PITPNC1: variants seen among roughly 807,000 people sequenced by gnomAD.
PITPNC1 encodes the protein cytoplasmic phosphatidylinositol transfer protein 1.
PITPNC1 carries 18 observed loss-of-function variants against 44.7 expected under a neutral mutation model. The ratio of observed to expected loss-of-function variants is 0.40; its 90% confidence interval spans 0.28 to 0.60. The LOEUF (loss-of-function observed/expected upper bound fraction) is 0.60, where lower values mean the gene tolerates loss of function less well. Ranked by LOEUF, PITPNC1 falls within the 20% of genes least tolerant of loss-of-function variation. The pLI, the probability that PITPNC1 is intolerant of heterozygous loss-of-function variation, is 0.39. For missense variants in PITPNC1, 290 were observed against 418.4 expected (o/e 0.69, Z 2.68); for synonymous variants, 141 against 149.6 (o/e 0.94, Z 0.42).
At chr17:67,587,381 C>A (rs907312608) in intron 5 of PITPNC1, among the ~76,000 whole-genome samples, 1 of 152,040 alleles carries the variant, frequency 6.6e-6, no homozygotes, top group African/African-American at 2.4e-5. Context: ...GTCATCCCAG[C>A]TACTCAGGAG....
At chr17:67,579,532 C>T (rs375456897) in intron 5 of PITPNC1, among the ~76,000 whole-genome samples, 6 of 151,572 alleles carry the variant, frequency 4.0e-5, no homozygotes, top group South Asian at 4.2e-4. Flanking sequence ...ATCACAGGCG[C>T]GTTGCTGGCC....
At position 67,560,500 on chromosome 17, in the gene PITPNC1, C is replaced by T. The variant is rs920777797; in HGVS notation, c.294+6883C>T. On this transcript the variant is annotated intron_variant, in intron 4 of 8. Transcript: ENST00000581322. The stretch of plus-strand genomic sequence containing the variant: ...CAACCACACAGCAAAGTCAGCAGTA[C>T]GTTGGGATGGCAGTGGGTTTGTGCA... Among the ~76,000 whole-genome samples, 43 of 152,264 alleles carry T rather than the reference C, an allele frequency of 2.8e-4. 1 individual carries two copies. Among genetic ancestry groups the T allele is most frequent in the African/African-American group, 9.6e-4 (40 of 41,534 alleles).
intron 1 of PITPNC1, among the ~76,000 whole-genome samples, chr17:67,425,188 C>CGCGCGT: frequency 2.1e-5 from 1 of 46,672 alleles, no homozygotes; most frequent in South Asian, 5.5e-4. Context: ...CCATGTTGTG[C>CGCGCGT]GCGCGCACGC....
chr17:67,609,604 A>G lies in PITPNC1; in HGVS notation c.367-22539A>G, dbSNP rs575469421. Among the ~76,000 whole-genome samples the G allele has an allele frequency of 2.6e-5, 4 of 152,048 alleles. No individual in the cohort carries two copies. The South Asian group carries it at 8.3e-4, about 32-fold the overall frequency. ...CGCACCCAGCCAGTCATGTTCTTCT[A>G]AGCACTGGAGAAAAAAGGACAGCTG... On this transcript the variant is annotated intron_variant, in intron 5 of 8. Coordinates refer to ENST00000581322, the MANE Select transcript of PITPNC1 (RefSeq NM_012417.4).
chr17:67,664,287 A>G (rs1402542540), intron 6 of PITPNC1, among the ~76,000 whole-genome samples: 1 of 152,136 alleles, frequency 6.6e-6, no homozygotes, highest in East Asian at 1.9e-4. Context: ...ATGGCATAAT[A>G]ATATTTCACT....
intron 1 of PITPNC1, among the ~76,000 whole-genome samples, chr17:67,382,740 T>C (rs2037981902): frequency 6.6e-6 from 1 of 152,020 alleles, no homozygotes; most frequent in Admixed American, 6.6e-5. Flanking sequence ...GTCTCCTGCC[T>C]CAGCCTCCCG....
intron 1 of PITPNC1, among the ~76,000 whole-genome samples, chr17:67,531,910 C>G (rs1247324560): frequency 6.6e-6 from 1 of 152,196 alleles, no homozygotes. Context: ...CCCCTCCCCT[C>G]TCTCTTTTCC....
rs143710307 is a variant in PITPNC1 at position 67,589,648 on chromosome 17, G to A, written c.366+11391G>A. Among the ~76,000 whole-genome samples, 108 of 150,578 alleles carry A rather than the reference G, an allele frequency of 7.2e-4. 1 individual carries two copies. The highest frequency in any genetic ancestry group is 7.0e-3 in the Admixed American group (106 of 15,128). On this transcript the variant is annotated intron_variant, in intron 5 of 8. Coordinates refer to ENST00000581322, the MANE Select transcript of PITPNC1 (RefSeq NM_012417.4). ...CATCAATGGATGCTAAGACCGTTGA[G>A]CAAAACAAGTATTGGGTACAGGATA...
chr17:67,540,950 C>T (rs1202586133), intron 2 of PITPNC1, among the ~76,000 whole-genome samples: 1 of 152,194 alleles, frequency 6.6e-6, no homozygotes, highest in African/African-American at 2.4e-5. Context: ...GACGCAATGG[C>T]TCACACCTGT....
At chr17:67,459,765 G>C (rs1041213366) in intron 1 of PITPNC1, 1 of 152,158 alleles carries the variant, frequency 6.6e-6, no homozygotes, top group African/African-American at 2.4e-5. Context: ...TATCAGAAAA[G>C]CGAAGATTTC....
intron 1 of PITPNC1, among the ~76,000 whole-genome samples, chr17:67,467,278 T>TGG (rs2039442398): frequency 6.6e-6 from 1 of 152,104 alleles, no homozygotes; most frequent in Non-Finnish European, 1.5e-5. Context: ...GGTCTCGAAC[T>TGG]CCTGACCTCA....
At chr17:67,692,138 T>C (rs183018546) in intron 8 of PITPNC1, among the ~76,000 whole-genome samples, 2 of 152,280 alleles carry the variant, frequency 1.3e-5, no homozygotes, top group East Asian at 3.9e-4. Context: ...TTCAGGGCCA[T>C]TGATTGTTTT....
At chr17:67,585,940 G>A (rs141815716) in intron 5 of PITPNC1, among the ~76,000 whole-genome samples, 1 of 152,322 alleles carries the variant, frequency 6.6e-6, no homozygotes, top group Non-Finnish European at 1.5e-5. Flanking sequence ...AGCCTCCAGA[G>A]CTGTGAGACA....
rs190732431 is a variant in PITPNC1 at position 67,397,794 on chromosome 17, A to G, written c.48+19592A>G. 7.4e-4 allele frequency among the ~76,000 whole-genome samples: 113 copies of G among 152,264 alleles called. 1 individual carries two copies. In the Middle Eastern group the frequency reaches 0.01, roughly 14 times the overall value. On this transcript the variant is annotated intron_variant, in intron 1 of 8. Transcript: ENST00000581322. ...TAGCTGACCACTTGTTTTTGCATCA[A>G]TACTTCAAAGGGTTCAAGGCCAGGT...
At chr17:67,669,482 A>C in intron 6 of PITPNC1, 26 bp from the exon 7 acceptor site, 1 of 1,430,108 alleles carries the variant, frequency 7.0e-7, no homozygotes, top group Non-Finnish European at 9.3e-7. Flanking sequence ...TTAATATATC[A>C]ATTTCTTTGA....
At chr17:67,414,252 G>A (rs1227011218) in intron 1 of PITPNC1, among the ~76,000 whole-genome samples, 2 of 152,108 alleles carry the variant, frequency 1.3e-5, no homozygotes. Context: ...AAAAGCAACT[G>A]TGCCTGCTTT....
At chr17:67,388,329 T>G (rs889913567) in intron 1 of PITPNC1, among the ~76,000 whole-genome samples, 25 of 65,150 alleles carry the variant, frequency 3.8e-4, no homozygotes, top group East Asian at 2.4e-3. Context: ...TTTTTTCGTG[T>G]TTTTTTTTTT....
At chr17:67,660,512 AT>A (rs1263283607) in intron 6 of PITPNC1, among the ~76,000 whole-genome samples, 1 of 143,530 alleles carries the variant, frequency 7.0e-6, no homozygotes, top group African/African-American at 2.8e-5. Context: ...ATTTTATTTT[AT>A]TTTATTTTAT....
chr17:67,489,611 A>G (rs775756196), intron 1 of PITPNC1, among the ~76,000 whole-genome samples: 27 of 152,224 alleles, frequency 1.8e-4, no homozygotes, highest in Non-Finnish European at 3.2e-4. Context: ...TGGCCTCAGC[A>G]TGGGGACTTT....
Sources: allele counts gnomAD v4.1 joint callset (sites outside exome capture counted in the v4.1 genomes callset), GRCh38; gene constraint gnomAD v4.1.1; transcripts MANE v1.5; gene names NCBI Gene and HGNC (gene_info 2026-07-23, HGNC 2026-07-21).